Variants in PTPN3 observed in about 807,000 individuals in gnomAD.
The protein encoded by PTPN3 is tyrosine-protein phosphatase non-receptor type 3.
PTPN3 carries 96 observed loss-of-function variants against 132.7 expected under a neutral mutation model. The observed-to-expected ratio is 0.72, with a 90% confidence interval of 0.61 to 0.86. The LOEUF (loss-of-function observed/expected upper bound fraction) is 0.86, where lower values mean the gene tolerates loss of function less well. PTPN3 is among the 40% of genes least tolerant of loss of function. The pLI is 0.00. For synonymous variants in PTPN3, 398 were observed against 429.0 expected, an observed-to-expected ratio of 0.93 and a Z score of 0.89; for missense variants, 1,125 against 1,159.6, an observed-to-expected ratio of 0.97 and a Z score of 0.43.
the PTPN3 span, among the ~76,000 whole-genome samples, chr9:109,510,570 A>ATATATATATATATATATAT: frequency 1.3e-5 from 1 of 78,502 alleles, no homozygotes; most frequent in Non-Finnish European, 2.5e-5. Flanking sequence ...AAAAAAAAAA[A>ATATATATATATATATATAT]AAAAAAATAT....
At chr9:109,492,567 A>C (rs573576608) in intron 1 of PTPN3, among the ~76,000 whole-genome samples, 1 of 152,228 alleles carries the variant, frequency 6.6e-6, no homozygotes, top group Admixed American at 6.5e-5. Context: ...TAGCTCATTG[A>C]CAACAGTCAA....
intron 19 of PTPN3, among the ~76,000 whole-genome samples, chr9:109,394,341 A>G (rs887365991): frequency 6.6e-6 from 1 of 152,262 alleles, no homozygotes; most frequent in African/African-American, 2.4e-5. Context: ...TTTAATTACC[A>G]TAAGACTTTA....
chr9:109,507,101 C>A, the PTPN3 span, among the ~76,000 whole-genome samples: 1 of 152,302 alleles, frequency 6.6e-6, no homozygotes, highest in African/African-American at 2.4e-5. Flanking sequence ...ACAATCCATA[C>A]CTTGCTTGAA....
chr9:109,501,219 A>G (rs891405489), upstream of PTPN3, among the ~76,000 whole-genome samples: 1 of 152,202 alleles, frequency 6.6e-6, no homozygotes, highest in Non-Finnish European at 1.5e-5. Context: ...TTTAATCCTT[A>G]CCATCACTCT....
chr9:109,417,155 C>A (rs1216745557), intron 14 of PTPN3, among the ~76,000 whole-genome samples: 1 of 152,184 alleles, frequency 6.6e-6, no homozygotes, highest in Non-Finnish European at 1.5e-5. Flanking sequence ...AGAGTGCAGC[C>A]TACTTGGGCA....
At chr9:109,401,633 A>C (rs1250517358) in intron 19 of PTPN3, among the ~76,000 whole-genome samples, 1 of 152,194 alleles carries the variant, frequency 6.6e-6, no homozygotes, top group African/African-American at 2.4e-5. Flanking sequence ...GAGAGCCCAC[A>C]GCGCCTCCTT....
At chr9:109,429,572 G>C (rs1162491078) in intron 10 of PTPN3, among the ~76,000 whole-genome samples, 1 of 152,204 alleles carries the variant, frequency 6.6e-6, no homozygotes, top group Non-Finnish European at 1.5e-5. Context: ...ACTATGTGGG[G>C]TCCACTATCT....
At chr9:109,534,062 C>T in the PTPN3 span, 1 of 769,126 alleles carries the variant, frequency 1.3e-6, no homozygotes, top group Non-Finnish European at 2.4e-6. Flanking sequence ...TTCGTTTTGG[C>T]AGTCTGGGGT....
chr9:109,438,461 T>C (rs890881364), intron 7 of PTPN3, among the ~76,000 whole-genome samples: 3 of 152,206 alleles, frequency 2.0e-5, no homozygotes, highest in Admixed American at 2.0e-4. Flanking sequence ...CAAATTCTCA[T>C]TCTCCCCAAG....
At chr9:109,483,066 T>C (rs1005622990) in intron 1 of PTPN3, among the ~76,000 whole-genome samples, 2 of 152,180 alleles carry the variant, frequency 1.3e-5, no homozygotes, top group African/African-American at 4.8e-5. Context: ...TGTCCTTTCC[T>C]GAAGGCAGCA....
At chr9:109,432,385 ATC>A (rs1843724391) in intron 10 of PTPN3, among the ~76,000 whole-genome samples, 1 of 151,980 alleles carries the variant, frequency 6.6e-6, no homozygotes, top group South Asian at 2.1e-4. Context: ...TTCCATCTGC[ATC>A]TCCTGCCGTC....
At position 109,429,672 on chromosome 9, in the gene PTPN3, C is replaced by T. The variant is rs117535133; in HGVS notation, c.765-988G>A. Among the ~76,000 whole-genome samples the T allele has an allele frequency of 5.3e-5, 8 of 152,294 alleles. No homozygotes were observed. The East Asian group carries it at 1.2e-3, about 22-fold the overall frequency. ...ACAAAGGGCTGGCTTTTCAAATACA[C>T]GAGTTTTGCGGAGCCAACTGTGTGA... is the stretch of plus-strand genomic sequence containing the variant. On this transcript the variant is annotated intron_variant, in intron 10 of 25. Coordinates refer to ENST00000374541, the MANE Select transcript of PTPN3 (RefSeq NM_002829.4).
At chr9:109,496,796 T>A (rs1422436758) in intron 1 of PTPN3, among the ~76,000 whole-genome samples, 1 of 152,218 alleles carries the variant, frequency 6.6e-6, no homozygotes, top group African/African-American at 2.4e-5. Flanking sequence ...CAGGAATTGC[T>A]ACTGGAATCT....
At chr9:109,428,779 C>A in intron 10 of PTPN3, 95 bp from the exon 11 acceptor site, 2 of 1,491,002 alleles carry the variant, frequency 1.3e-6, no homozygotes, top group Non-Finnish European at 1.8e-6. Context: ...CTCCATGATC[C>A]TGATGAGTGG....
intron 16 of PTPN3, among the ~76,000 whole-genome samples, chr9:109,409,724 T>C (rs1184072754): frequency 6.6e-6 from 1 of 151,986 alleles, no homozygotes; most frequent in African/African-American, 2.4e-5. Flanking sequence ...GGTGGGAGGA[T>C]CACCTGAGCC....
chr9:109,469,189 C>T (rs1032147148), intron 1 of PTPN3, among the ~76,000 whole-genome samples: 7 of 152,282 alleles, frequency 4.6e-5, no homozygotes, highest in African/African-American at 7.2e-5. Context: ...AGGGTAATGC[C>T]GCCGCTTTAT....
chr9:109,427,513 C>G (rs1843364741), intron 11 of PTPN3, among the ~76,000 whole-genome samples: 1 of 152,222 alleles, frequency 6.6e-6, no homozygotes, highest in Non-Finnish European at 1.5e-5. Context: ...CAGACAACAG[C>G]AAGTTTATAA....
chr9:109,457,169 C>A lies in PTPN3; in HGVS notation c.289+4G>T. The A allele has an allele frequency of 6.2e-7, 1 of 1,613,370 alleles. No homozygotes were observed. Among genetic ancestry groups the A allele is most frequent in the Non-Finnish European group, 8.5e-7 (1 of 1,179,310 alleles). Reference sequence around the variant, plus strand: ...TTCGACTGAAATGAAAAGATCACACCAACCTTTTAACTGCTTCCTGATGGC... The same window carrying A: ...TTCGACTGAAATGAAAAGATCACACAAACCTTTTAACTGCTTCCTGATGGC... On this transcript the variant is annotated splice_donor_region_variant and intron_variant, in intron 4 of 25. Coordinates refer to ENST00000374541, the MANE Select transcript of PTPN3 (RefSeq NM_002829.4).
At position 109,420,569 on chromosome 9, in the gene PTPN3, T is replaced by G. The variant is rs1842832371; in HGVS notation, c.1168A>C (p.Lys390Gln). The G allele has an allele frequency of 6.2e-7, 1 of 1,611,574 alleles. No individual in the cohort carries two copies. The highest frequency in any genetic ancestry group is 1.3e-5 in the African/African-American group (1 of 74,888). ...RSPRLRHEIR[K>Q]PRHSSADNLA... ...TTATCTGCAGAAGAGTGGCGTGGCT[T>G]TCGGATTTCGTGCCGGAGCCGAGGA... Residue 390 changes from lysine (K) to glutamine (Q), a missense_variant, in exon 14 of 26, where the codon AAG becomes CAG. Lys to Gln is a moderately conservative substitution (Grantham distance 53, BLOSUM62 1). Coordinates refer to ENST00000374541, the MANE Select transcript of PTPN3 (RefSeq NM_002829.4).
Sources: gnomAD v4.1 joint callset for allele counts (sites outside exome capture counted in the v4.1 genomes callset) on GRCh38, gnomAD v4.1.1 for gene constraint, MANE v1.5 for transcripts, NCBI Gene and HGNC (gene_info 2026-07-23, HGNC 2026-07-21) for gene names.